The following SLC41A2 variants were observed in gnomAD, a reference collection of about 807,000 sequenced individuals.
SLC41A2 encodes SLC41A1-like 1.
Under a neutral mutation model 58.3 loss-of-function variants are expected in SLC41A2, and 32 were observed. The ratio of observed to expected loss-of-function variants is 0.55; its 90% CI spans 0.41 to 0.74. The LOEUF is 0.74. SLC41A2 is among the 30% of genes least tolerant of loss of function. The probability of loss-of-function intolerance (pLI) is 0.00; values close to 1 mark genes in which losing one functional copy is unlikely to be tolerated. For synonymous variants in SLC41A2, 190 were observed against 235.0 expected (o/e 0.81, Z 1.75); for missense variants, 514 against 680.6 (o/e 0.76, Z 2.72).
chr12:104,937,404 C>T (rs192149718), intron 1 of SLC41A2, among the ~76,000 whole-genome samples: 1 of 152,174 alleles, frequency 6.6e-6, no homozygotes, highest in Non-Finnish European at 1.5e-5. Context: ...TTTAGATACA[C>T]AAATACTTAC....
At chr12:104,845,323 C>T (rs1347805767) in intron 9 of SLC41A2, among the ~76,000 whole-genome samples, 1 of 151,844 alleles carries the variant, frequency 6.6e-6, no homozygotes, top group Admixed American at 6.6e-5. Context: ...AAACAAAAGT[C>T]AATAATCATA....
intron 6 of SLC41A2, among the ~76,000 whole-genome samples, chr12:104,872,505 G>A (rs893714281): frequency 2.6e-5 from 4 of 152,130 alleles, no homozygotes; most frequent in East Asian, 1.9e-4. Flanking sequence ...AGGCCGACAC[G>A]GGTGGATCAC....
At position 104,932,721 on chromosome 12, in the gene SLC41A2, A is replaced by C. The variant is rs868657867; in HGVS notation, c.-167-4027T>G. 2.0e-5 allele frequency among the ~76,000 whole-genome samples: 3 copies of C among 152,088 alleles called. No individual in the cohort carries two copies. The South Asian group carries it at 6.2e-4, about 32-fold the overall frequency. On this transcript the variant is annotated intron_variant, in intron 1 of 10. Transcript: ENST00000258538. ...ACCAAAGGAAGAGAATAAAGAACCC[A>C]AAAATAAAGCCAAATACAACCAACT...
chr12:104,866,559 G>A lies in SLC41A2; in HGVS notation c.1048C>T (p.Pro350Ser), dbSNP rs771165396. ...GCCAAGAAAAATACACCAACTAATG[G>A]AGAAATGTAGTAATAGGTCTCTAAA... ...SCLETYYYIS[P>S]LVGVFFLALT... Residue 350 changes from proline (P) to serine (S), a missense_variant, in exon 7 of 11, where the codon CCA becomes TCA. Pro to Ser is a moderately conservative substitution (Grantham distance 74). This residue lies in a region of SLC41A2 where 336 missense variants were observed against 430.0 expected (regional missense o/e 0.78). Transcript: ENST00000258538. 33 of 1,589,996 alleles carry A rather than the reference G, an allele frequency of 2.1e-5. No homozygotes were observed. Among genetic ancestry groups the A allele is most frequent in the Non-Finnish European group, 2.7e-5 (31 of 1,168,134 alleles).
chr12:104,848,798 T>A (rs1406701840), intron 8 of SLC41A2, among the ~76,000 whole-genome samples: 1 of 151,874 alleles, frequency 6.6e-6, no homozygotes, highest in Non-Finnish European at 1.5e-5. Context: ...AATAATATAA[T>A]TGGATGAATA....
In SLC41A2 at chr12:104,801,965, G is replaced by C. The variant is rs956755891; in HGVS notation, c.*3187C>G. ...ATTTCTTAAATTTTATTCTTTATTT[G>C]AGTTTAAAACAATTCGAAGATGGCA... is the stretch of plus-strand genomic sequence containing the variant. On this transcript the variant is annotated 3_prime_UTR_variant, in exon 11 of 11. Coordinates refer to ENST00000258538, the MANE Select transcript of SLC41A2 (RefSeq NM_001352171.3). Among the ~76,000 whole-genome samples the C allele has an allele frequency of 2.0e-5, 3 of 151,352 alleles. No individual in the cohort carries two copies. The highest frequency in any genetic ancestry group is 7.3e-5 in the African/African-American group (3 of 41,090).
intron 2 of SLC41A2, among the ~76,000 whole-genome samples, chr12:104,918,476 T>C (rs2046431316): frequency 1.3e-5 from 2 of 152,070 alleles, no homozygotes; most frequent in African/African-American, 4.8e-5. Context: ...ATTTGGTAAA[T>C]CTGTGTGTAC....
At chr12:104,948,203 T>C (rs1441953070) in intron 1 of SLC41A2, among the ~76,000 whole-genome samples, 2 of 152,260 alleles carry the variant, frequency 1.3e-5, no homozygotes, top group Admixed American at 6.5e-5. Context: ...TTTCACTAAG[T>C]CCCAGTAGAA....
At chr12:104,806,715 C>A (rs1253817293) in intron 10 of SLC41A2, among the ~76,000 whole-genome samples, 2 of 152,052 alleles carry the variant, frequency 1.3e-5, no homozygotes, top group Non-Finnish European at 2.9e-5. Context: ...TCCACATCCT[C>A]TCCAGGACCT....
At chr12:104,880,601 A>C (rs2044314628) in intron 6 of SLC41A2, among the ~76,000 whole-genome samples, 1 of 152,104 alleles carries the variant, frequency 6.6e-6, no homozygotes. Context: ...TGGTTCTGTT[A>C]ATATGATGGA....
intron 10 of SLC41A2, among the ~76,000 whole-genome samples, chr12:104,839,794 C>T (rs552839498): frequency 3.0e-4 from 46 of 152,308 alleles, no homozygotes; most frequent in African/African-American, 1.0e-3. Flanking sequence ...TAAGCCACTG[C>T]GCCCGGCCTC....
At chr12:104,814,582 T>A (rs1341905361) in intron 10 of SLC41A2, among the ~76,000 whole-genome samples, 1 of 152,084 alleles carries the variant, frequency 6.6e-6, no homozygotes, top group Non-Finnish European at 1.5e-5. Flanking sequence ...TATCACTGAA[T>A]AACTGTTACT....
At chr12:104,895,552 T>C (rs561511409) in intron 3 of SLC41A2, among the ~76,000 whole-genome samples, 1 of 152,318 alleles carries the variant, frequency 6.6e-6, no homozygotes, top group Admixed American at 6.5e-5. Flanking sequence ...AAAAAAATTT[T>C]TTTTACTTAC....
intron 6 of SLC41A2, among the ~76,000 whole-genome samples, chr12:104,869,478 G>GT (rs915160725): frequency 4.0e-5 from 6 of 151,770 alleles, no homozygotes; most frequent in East Asian, 1.9e-4. Context: ...GTATGCAGGG[G>GT]TTTTTTTTGT....
At chr12:104,846,695 T>C (rs1006186540) in intron 8 of SLC41A2, among the ~76,000 whole-genome samples, 1 of 152,196 alleles carries the variant, frequency 6.6e-6, no homozygotes, top group Non-Finnish European at 1.5e-5. Context: ...AGAGCACAGA[T>C]AGTTAAGCCT....
chr12:104,807,504 C>G (rs1163084703), intron 10 of SLC41A2, among the ~76,000 whole-genome samples: 1 of 152,176 alleles, frequency 6.6e-6, no homozygotes, highest in Non-Finnish European at 1.5e-5. Context: ...AGTGTGATGC[C>G]TCCAGCTTTG....
chr12:104,901,695 A>G (rs1593106159), intron 3 of SLC41A2, among the ~76,000 whole-genome samples: 1 of 152,056 alleles, frequency 6.6e-6, no homozygotes, highest in Non-Finnish European at 1.5e-5. Flanking sequence ...GACCGCAGGT[A>G]TGTGCCACCA....
At chr12:104,882,142 G>GC (rs1490605126) in intron 6 of SLC41A2, among the ~76,000 whole-genome samples, 1 of 151,684 alleles carries the variant, frequency 6.6e-6, no homozygotes, top group Non-Finnish European at 1.5e-5. Flanking sequence ...TGCAACCCCT[G>GC]CTTTTTTTTT....
intron 10 of SLC41A2, among the ~76,000 whole-genome samples, chr12:104,831,595 C>T (rs977050938): frequency 2.0e-5 from 3 of 152,096 alleles, no homozygotes; most frequent in African/African-American, 7.2e-5. Context: ...TTTTATTACA[C>T]TTGTTGAGAA....
Sources: allele counts gnomAD v4.1 joint callset (sites outside exome capture counted in the v4.1 genomes callset), GRCh38; gene constraint gnomAD v4.1.1; regional missense constraint gnomAD v4.1.1; transcripts MANE v1.5; gene names NCBI Gene and HGNC (gene_info 2026-07-23, HGNC 2026-07-21).